The following SYNPR variants were observed in gnomAD, a reference collection of about 807,000 sequenced individuals.
The protein encoded by SYNPR is synaptoporin.
A neutral mutation model predicts 32.9 loss-of-function variants in SYNPR; 23 were observed. The observed-to-expected ratio is 0.70, with a 90% confidence interval of 0.50 to 0.99. The LOEUF is 0.99. Ranked by LOEUF, SYNPR falls within the 50% of genes least tolerant of loss-of-function variation. The pLI is 0.00. For synonymous variants in SYNPR, 146 were observed against 135.9 expected (o/e 1.07, Z -0.52); for missense variants, 318 against 349.3 (o/e 0.91, Z 0.71).
At chr3:63,203,697 G>T in the SYNPR span, among the ~76,000 whole-genome samples, 1 of 152,094 alleles carries the variant, frequency 6.6e-6, no homozygotes, top group Non-Finnish European at 1.5e-5. Flanking sequence ...CTGCCTCATT[G>T]CTTAAAAGTG....
chr3:63,551,922 A>T (rs1269277442), intron 3 of SYNPR, among the ~76,000 whole-genome samples: 1 of 149,220 alleles, frequency 6.7e-6, no homozygotes, highest in Non-Finnish European at 1.5e-5. Context: ...TTTGAGACGG[A>T]GCTTGGCTCT....
rs2086595706 is a variant in SYNPR, at chr3:63,278,355, G to A, written c.-179G>A. ...TTCCCCGACGCGCTGGGTTCCCGGAGCGCAGAGCCCAGCGTTAGCGGGTGG... is the reference window on the plus strand; with the variant it reads ...TTCCCCGACGCGCTGGGTTCCCGGAACGCAGAGCCCAGCGTTAGCGGGTGG... On this transcript the variant is annotated 5_prime_UTR_variant, in exon 1 of 6. Transcript: ENST00000478300. 2 of 736,026 alleles carry A rather than the reference G, an allele frequency of 2.7e-6. No individual in the cohort carries two copies. Among genetic ancestry groups the A allele is most frequent in the Non-Finnish European group, 4.3e-6 (2 of 460,406 alleles). The allele number at this position is 736,026 out of a possible 1,614,324, so 45.6% of individuals were successfully genotyped here.
chr3:63,505,105 T>A (rs952791288), intron 3 of SYNPR, among the ~76,000 whole-genome samples: 3 of 152,178 alleles, frequency 2.0e-5, no homozygotes, highest in Non-Finnish European at 4.4e-5. Context: ...TCTCATTTAC[T>A]GAGCTCCCAC....
intron 3 of SYNPR, among the ~76,000 whole-genome samples, chr3:63,540,973 C>T (rs962825355): frequency 2.5e-5 from 3 of 119,850 alleles, no homozygotes; most frequent in African/African-American, 1.0e-4. Context: ...ATACATAGTA[C>T]CTGACTGCAG....
At chr3:63,461,029 T>A (rs1700574735) in intron 2 of SYNPR, among the ~76,000 whole-genome samples, 1 of 152,014 alleles carries the variant, frequency 6.6e-6, no homozygotes, top group Non-Finnish European at 1.5e-5. Flanking sequence ...ACATGCAGGA[T>A]GACTCTCAGG....
intron 2 of SYNPR, among the ~76,000 whole-genome samples, chr3:63,364,579 TAG>T (rs1242308766): frequency 7.2e-5 from 11 of 152,348 alleles, no homozygotes; most frequent in Admixed American, 2.0e-4. Flanking sequence ...TAGAAGAGGA[TAG>T]AGTCAGTGAA....
intron 3 of SYNPR, among the ~76,000 whole-genome samples, chr3:63,549,326 G>A (rs372975641): frequency 3.9e-4 from 60 of 152,192 alleles, no homozygotes; most frequent in African/African-American, 1.3e-3. Flanking sequence ...AAGCTGGTTG[G>A]GTCATTTGCT....
chr3:63,223,610 A>G (rs2086108152), upstream of SYNPR, among the ~76,000 whole-genome samples: 1 of 140,394 alleles, frequency 7.1e-6, no homozygotes. Flanking sequence ...TCCTTTCAAG[A>G]AATTCCTTTT....
chr3:63,360,120 C>T (rs1413196787), intron 2 of SYNPR, among the ~76,000 whole-genome samples: 1 of 152,194 alleles, frequency 6.6e-6, no homozygotes, highest in East Asian at 1.9e-4. Flanking sequence ...TTAATATTTA[C>T]AAAATAAAAT....
intron 1 of SYNPR, among the ~76,000 whole-genome samples, chr3:63,228,852 C>G (rs1470727374): frequency 6.6e-6 from 1 of 151,972 alleles, no homozygotes; most frequent in Non-Finnish European, 1.5e-5. Context: ...TTTGCTTTCA[C>G]GCCATCTGAG....
intron 2 of SYNPR, among the ~76,000 whole-genome samples, chr3:63,461,824 C>T (rs1354541478): frequency 6.6e-6 from 1 of 151,888 alleles, no homozygotes; most frequent in Non-Finnish European, 1.5e-5. Context: ...AGAGATAATA[C>T]CCATCTTGCA....
At chr3:63,461,504 A>G (rs1700584321) in intron 2 of SYNPR, among the ~76,000 whole-genome samples, 1 of 152,008 alleles carries the variant, frequency 6.6e-6, no homozygotes, top group Admixed American at 6.6e-5. Context: ...CATTTCTTCT[A>G]ATTCTATCCC....
chr3:63,253,139 T>C (rs540151443), intron 2 of SYNPR, among the ~76,000 whole-genome samples: 1 of 152,236 alleles, frequency 6.6e-6, no homozygotes, highest in Admixed American at 6.5e-5. Flanking sequence ...GTTTTTAGAG[T>C]TTATGGCACA....
chr3:63,486,186 G>A (rs1701145960), intron 3 of SYNPR, among the ~76,000 whole-genome samples: 1 of 152,184 alleles, frequency 6.6e-6, no homozygotes, highest in Non-Finnish European at 1.5e-5. Flanking sequence ...TGGAATTACA[G>A]GTGTGGGCCA....
chr3:63,483,189 G>A (rs537324819), intron 3 of SYNPR, among the ~76,000 whole-genome samples: 5 of 152,264 alleles, frequency 3.3e-5, no homozygotes, highest in South Asian at 2.1e-4. Flanking sequence ...GTAATGATGT[G>A]CACTGCAGTG....
Position 63,513,376 on chromosome 3 carries a change from T to C in SYNPR, c.209+32420T>C, listed in dbSNP as rs138564584. On this transcript the variant is annotated intron_variant, in intron 3 of 5. Coordinates refer to ENST00000478300, the MANE Select transcript of SYNPR (RefSeq NM_001130003.2). ...TGTTTTAAAATGAATTTGTAACTTA[T>C]ATTTTGTTCTGTGACTTGCTTAATC... is the stretch of plus-strand genomic sequence containing the variant. Among the ~76,000 whole-genome samples the C allele has an allele frequency of 1.9e-3, 285 of 152,222 alleles. 6 individuals are homozygous for C. In the East Asian group the frequency reaches 0.048, roughly 26 times the overall value.
At chr3:63,386,815 C>T (rs1328950015) in intron 2 of SYNPR, among the ~76,000 whole-genome samples, 1 of 152,218 alleles carries the variant, frequency 6.6e-6, no homozygotes, top group Non-Finnish European at 1.5e-5. Flanking sequence ...CAGCATGGCA[C>T]TGCTGTAGGT....
intron 2 of SYNPR, among the ~76,000 whole-genome samples, chr3:63,322,324 G>T (rs2087119168): frequency 6.6e-6 from 1 of 152,056 alleles, no homozygotes. Context: ...ACTAGGTACT[G>T]TGCTAGGCAC....
At chr3:63,434,099 C>T (rs889052484) in intron 2 of SYNPR, among the ~76,000 whole-genome samples, 12 of 152,230 alleles carry the variant, frequency 7.9e-5, no homozygotes, top group East Asian at 7.7e-4. Context: ...ATACACTCTA[C>T]GTTTCATAAA....
Sources: allele counts gnomAD v4.1 joint callset (sites outside exome capture counted in the v4.1 genomes callset), GRCh38; gene constraint gnomAD v4.1.1; transcripts MANE v1.5; gene names NCBI Gene and HGNC (gene_info 2026-07-23, HGNC 2026-07-21).